RALGAPA2: variants seen among roughly 807,000 people sequenced by gnomAD.
The protein encoded by RALGAPA2 is Ral GTPase activating protein catalytic subunit alpha 2.
In RALGAPA2, 139 loss-of-function variants were observed where a neutral mutation model predicts 230.4. The observed-to-expected ratio is 0.60, with a 90% CI of 0.53 to 0.69. RALGAPA2 has a LOEUF of 0.69. Ranked by LOEUF, RALGAPA2 falls within the 30% of genes least tolerant of loss-of-function variation. The pLI, the probability that RALGAPA2 is intolerant of heterozygous loss-of-function variation, is 0.00. For missense variants in RALGAPA2, 2,163 were observed against 2,276.0 expected, an observed-to-expected ratio of 0.95 and a Z score of 1.01; for synonymous variants, 847 against 837.8, an observed-to-expected ratio of 1.01 and a Z score of -0.19.
chr20:20,703,468 C>T (rs1268644586), intron 1 of RALGAPA2, among the ~76,000 whole-genome samples: 1 of 152,178 alleles, frequency 6.6e-6, no homozygotes, highest in Non-Finnish European at 1.5e-5. Flanking sequence ...TGTATTGACA[C>T]ATCCAGGAGG....
intron 23 of RALGAPA2, among the ~76,000 whole-genome samples, chr20:20,555,952 T>C (rs1034089399): frequency 2.0e-5 from 3 of 152,134 alleles, no homozygotes; most frequent in South Asian, 2.1e-4. Flanking sequence ...TGTTGAAAAG[T>C]GGTGAGAAAA....
intron 1 of RALGAPA2, among the ~76,000 whole-genome samples, chr20:20,693,685 C>T (rs1043523193): frequency 6.6e-6 from 1 of 152,186 alleles, no homozygotes; most frequent in African/African-American, 2.4e-5. Context: ...TATACATTGA[C>T]TCAACCTCCA....
chr20:20,572,992 A>G lies in RALGAPA2; in HGVS notation c.2784T>C (p.Ala928=), dbSNP rs768215158. 6.2e-7 allele frequency: 1 copy of G among 1,610,292 alleles called. No homozygotes were observed. The highest frequency in any genetic ancestry group is 1.1e-5 in the South Asian group (1 of 90,062). The change falls in exon 21 of 40, where the codon GCT becomes GCC. Residue 928 remains alanine (A), a synonymous_variant. Transcript: ENST00000202677. ...CCAAGACCCTTCGCCATAACACAGCAGCAGAGTCTGGGTGCCAACCAGTGA... is the reference window on the plus strand; with the variant it reads ...CCAAGACCCTTCGCCATAACACAGCGGCAGAGTCTGGGTGCCAACCAGTGA... The part of the protein sequence containing the change: ...GSLTGWHPDS[A]AVLWRRVLGI...
intron 20 of RALGAPA2, among the ~76,000 whole-genome samples, chr20:20,582,090 C>T (rs1262275431): frequency 6.6e-6 from 1 of 152,018 alleles, no homozygotes; most frequent in Non-Finnish European, 1.5e-5. Flanking sequence ...CCATGGCCTC[C>T]CCGTTCTCAT....
At chr20:20,691,401 C>A (rs1435245125) in intron 1 of RALGAPA2, among the ~76,000 whole-genome samples, 1 of 152,118 alleles carries the variant, frequency 6.6e-6, no homozygotes, top group Admixed American at 6.5e-5. Context: ...CAGTTTCAAC[C>A]TGATTCAATT....
At chr20:20,601,918 C>A in intron 15 of RALGAPA2, 72 bp from the exon 16 acceptor site, 1 of 1,337,118 alleles carries the variant, frequency 7.5e-7, no homozygotes, top group Non-Finnish European at 1.0e-6. Context: ...TGTTGCTCAG[C>A]AAATGGTGTA....
intron 37 of RALGAPA2, among the ~76,000 whole-genome samples, chr20:20,425,398 CTTTA>C (rs1408169084): frequency 2.6e-5 from 4 of 152,258 alleles, no homozygotes; most frequent in South Asian, 2.1e-4. Flanking sequence ...AAAAGTTTAG[CTTTA>C]TTTGTTTTTT....
chr20:20,702,125 A>G (rs1442857645), intron 1 of RALGAPA2, among the ~76,000 whole-genome samples: 1 of 152,192 alleles, frequency 6.6e-6, no homozygotes, highest in Non-Finnish European at 1.5e-5. Flanking sequence ...CAAAAGCTAC[A>G]AAGTGCTGTG....
chr20:20,446,975 T>G (rs1421860058), intron 37 of RALGAPA2, among the ~76,000 whole-genome samples: 1 of 152,240 alleles, frequency 6.6e-6, no homozygotes, highest in Non-Finnish European at 1.5e-5. Context: ...AAACCCCAGT[T>G]AAACTGATTT....
At chr20:20,706,274 TG>T (rs1361509314) in intron 1 of RALGAPA2, among the ~76,000 whole-genome samples, 2 of 152,230 alleles carry the variant, frequency 1.3e-5, no homozygotes, top group African/African-American at 4.8e-5. Context: ...GAGGGATGGA[TG>T]GTGTATTTGT....
At chr20:20,690,672 AG>A (rs374252947) in intron 1 of RALGAPA2, among the ~76,000 whole-genome samples, 24 of 151,798 alleles carry the variant, frequency 1.6e-4, no homozygotes, top group African/African-American at 5.8e-4. Flanking sequence ...AAGTCCCCTC[AG>A]CACACTGCTT....
At chr20:20,416,204 A>G (rs1317112186) in intron 37 of RALGAPA2, among the ~76,000 whole-genome samples, 3 of 152,220 alleles carry the variant, frequency 2.0e-5, no homozygotes, top group Non-Finnish European at 4.4e-5. Flanking sequence ...GAAAAGCATG[A>G]TAAATCTGGA....
At chr20:20,536,020 A>T (rs1481016027) in intron 25 of RALGAPA2, among the ~76,000 whole-genome samples, 1 of 152,218 alleles carries the variant, frequency 6.6e-6, no homozygotes, top group Non-Finnish European at 1.5e-5. Flanking sequence ...TAGGCCATTC[A>T]GCCCGCGGGA....
chr20:20,654,095 CAA>C (rs756863196), intron 3 of RALGAPA2, among the ~76,000 whole-genome samples: 1 of 151,906 alleles, frequency 6.6e-6, no homozygotes, highest in South Asian at 2.1e-4. Flanking sequence ...AATTAATGGC[CAA>C]AAAAACTAAT....
chr20:20,639,311 G>A (rs191640113), intron 7 of RALGAPA2, among the ~76,000 whole-genome samples: 1 of 152,342 alleles, frequency 6.6e-6, no homozygotes, highest in Non-Finnish European at 1.5e-5. Flanking sequence ...TAGACCAGGA[G>A]TCACAAATCT....
At chr20:20,495,822 A>G (rs746286600) in intron 35 of RALGAPA2, among the ~76,000 whole-genome samples, 2 of 152,228 alleles carry the variant, frequency 1.3e-5, no homozygotes, top group African/African-American at 2.4e-5. Context: ...ATGAATAACT[A>G]CTGCTTAAGT....
rs969141553 is a variant in RALGAPA2 at position 20,610,883 on chromosome 20, T to C, written c.1800+432A>G. Among the ~76,000 whole-genome samples the C allele has an allele frequency of 3.9e-5, 6 of 152,284 alleles. No homozygotes were observed. The East Asian group carries it at 9.7e-4, about 25-fold the overall frequency. Reference sequence around the variant, plus strand: ...TCCTCTGGTTTTCCTCCTCACTCACTGGCCACCCTTTCTCAGCATCTCTCC... The same window carrying C: ...TCCTCTGGTTTTCCTCCTCACTCACCGGCCACCCTTTCTCAGCATCTCTCC... On this transcript the variant is annotated intron_variant, in intron 14 of 39. Transcript: ENST00000202677.
Position 20,431,540 on chromosome 20 carries a change from A to G in RALGAPA2, c.5496-19392T>C, listed in dbSNP as rs945939861. Among the ~76,000 whole-genome samples the G allele has an allele frequency of 2.0e-4, 31 of 152,210 alleles. 1 individual carries two copies. The highest frequency in any genetic ancestry group is 7.2e-4 in the African/African-American group (30 of 41,450). Reference sequence around the variant, plus strand: ...TTAAACATGCACCAGGCTTTATATAATTTTAAAATGTATGACACAATTTGC... The same window carrying G: ...TTAAACATGCACCAGGCTTTATATAGTTTTAAAATGTATGACACAATTTGC... On this transcript the variant is annotated intron_variant, in intron 37 of 39. Transcript: ENST00000202677.
intron 1 of RALGAPA2, among the ~76,000 whole-genome samples, chr20:20,694,747 T>A (rs1001117028): frequency 1.3e-5 from 2 of 152,178 alleles, no homozygotes; most frequent in Non-Finnish European, 2.9e-5. Context: ...ACTATTCATG[T>A]AAAACCGTGT....
Sources: allele counts gnomAD v4.1 joint callset (sites outside exome capture counted in the v4.1 genomes callset), GRCh38; gene constraint gnomAD v4.1.1; transcripts MANE v1.5; gene names NCBI Gene and HGNC (gene_info 2026-07-23, HGNC 2026-07-21).